LETM1: variants seen among roughly 807,000 people sequenced by gnomAD.
LETM1 encodes mitochondrial proton/calcium exchanger protein.
In LETM1, 50 loss-of-function variants were observed where a neutral mutation model predicts 74.5. The ratio of observed to expected loss-of-function variants is 0.67; its 90% CI spans 0.53 to 0.85. The LOEUF (loss-of-function observed/expected upper bound fraction) is 0.85, where lower values mean the gene tolerates loss of function less well. Ranked by LOEUF, LETM1 falls within the 40% of genes least tolerant of loss-of-function variation. The pLI, the probability that LETM1 is intolerant of heterozygous loss-of-function variation, is 0.00. For missense variants in LETM1, 824 were observed against 967.8 expected, an observed-to-expected ratio of 0.85 and a Z score of 1.97; for synonymous variants, 446 against 407.1, an observed-to-expected ratio of 1.10 and a Z score of -1.15.
At chr4:1,855,796 G>T in intron 1 of LETM1, 73 bp downstream of exon 1, 1 of 946,198 alleles carries the variant, frequency 1.1e-6, no homozygotes, top group Non-Finnish European at 1.4e-6. Context: ...CAACCAGCCC[G>T]AACCCGCGGG....
rs373302666 is a variant in LETM1 at position 1,816,706 on chromosome 4, C to T, written c.1931+21G>A. On this transcript the variant is annotated intron_variant, in intron 12 of 13. Coordinates refer to ENST00000302787, the MANE Select transcript of LETM1 (RefSeq NM_012318.3). ...CTATGTGAGTCTCCGATCCCTCTCC[C>T]GCGCCCACCACCCCACTCACCCCGT... 1.1e-4 allele frequency: 183 copies of T among 1,608,190 alleles called. 1 individual carries two copies. Among genetic ancestry groups the T allele is most frequent in the Non-Finnish European group, 1.2e-4 (138 of 1,175,500 alleles).
intron 1 of LETM1, among the ~76,000 whole-genome samples, chr4:1,853,456 C>A (rs886709255): frequency 1.3e-5 from 2 of 152,228 alleles, no homozygotes; most frequent in African/African-American, 2.4e-5. Flanking sequence ...GGATGCTTCA[C>A]CTCTGTGGTC....
intron 2 of LETM1, among the ~76,000 whole-genome samples, chr4:1,843,878 G>A (rs1038898653): frequency 6.6e-6 from 1 of 152,184 alleles, no homozygotes; most frequent in Non-Finnish European, 1.5e-5. Flanking sequence ...ATGCAGCAGA[G>A]CCCACGCAGG....
At chr4:1,838,400 G>A (rs1712563429) in intron 3 of LETM1, among the ~76,000 whole-genome samples, 1 of 151,958 alleles carries the variant, frequency 6.6e-6, no homozygotes, top group Non-Finnish European at 1.5e-5. Flanking sequence ...GCCCGGCCAG[G>A]ATTATCTTTA....
At chr4:1,828,510 C>A (rs1278088874) in intron 6 of LETM1, among the ~76,000 whole-genome samples, 205 of 91,432 alleles carry the variant, frequency 2.2e-3, no homozygotes, top group African/African-American at 2.4e-3. Flanking sequence ...GGGGGCTGAC[C>A]CCCCCCCCCA....
intron 9 of LETM1, chr4:1,822,786 G>A (rs1711831533): frequency 4.7e-6 from 2 of 429,382 alleles, no homozygotes; most frequent in African/African-American, 2.0e-5. Flanking sequence ...GCACCACTGT[G>A]GCCATCGGGG....
intron 1 of LETM1, among the ~76,000 whole-genome samples, chr4:1,853,024 A>G (rs923223262): frequency 2.6e-5 from 4 of 151,926 alleles, no homozygotes; most frequent in African/African-American, 9.7e-5. Flanking sequence ...TCCCCAGGCA[A>G]TCTCTTCCCT....
In LETM1 at chr4:1,822,291, C is replaced by A; in HGVS notation, c.1498G>T (p.Val500Leu). 1 of 1,522,222 alleles carries A rather than the reference C, an allele frequency of 6.6e-7. No homozygotes were observed. The highest frequency in any genetic ancestry group is 8.9e-7 in the Non-Finnish European group (1 of 1,127,790). 94.3% of individuals were successfully genotyped at this position (1,522,222 alleles called of 1,614,324 possible). ...EVAKDFEPER[V>L]VAAPQRPGTE... ...CCCGGCCTTTGGGGAGCAGCTACCA[C>A]ACGTTCGGGCTCAAAATCCTTCTGA... is the stretch of plus-strand genomic sequence containing the variant. The change falls in exon 10 of 14, where the codon GTG becomes TTG. Residue 500 changes from valine (V) to leucine (L), a missense_variant. Transcript: ENST00000302787.
chr4:1,832,955 A>G lies in LETM1; in HGVS notation c.877-8T>C. 6.2e-7 allele frequency: 1 copy of G among 1,611,988 alleles called. No homozygotes were observed. The highest frequency in any genetic ancestry group is 1.1e-5 in the South Asian group (1 of 90,990). On this transcript the variant is annotated splice_region_variant and splice_polypyrimidine_tract_variant and intron_variant, in intron 5 of 13. Coordinates refer to ENST00000302787, the MANE Select transcript of LETM1 (RefSeq NM_012318.3). ...CTCCCCTGTTTCCCGGATCTGCGGA[A>G]GTGGTCACAAGGGTCATCCCCGGGA...
intron 8 of LETM1, 144 bp from the exon 9 acceptor site, chr4:1,823,275 C>T: frequency 8.5e-7 from 1 of 1,172,688 alleles, no homozygotes; most frequent in Non-Finnish European, 1.2e-6. Context: ...TGCCGAGGTG[C>T]TGCCCGCAAT....
At position 1,841,508 on chromosome 4, in the gene LETM1, C is replaced by CG. The variant is rs745839823; in HGVS notation, c.432dup (p.Ala145ArgfsTer61). The CG allele has an allele frequency of 5.0e-6, 8 of 1,613,782 alleles. No individual in the cohort carries two copies. The highest frequency in any genetic ancestry group is 1.6e-4 in the Middle Eastern group (1 of 6,082). On this transcript the variant is annotated frameshift_variant, in exon 3 of 14. Transcript: ENST00000302787. LOFTEE classifies it high-confidence loss of function. ...AGGGACTTCTTCACCACCACCTCTG[C>CG]GGGGGGGCTGTACACCGGGCCGCCT...
chr4:1,841,461 C>T lies in LETM1; in HGVS notation c.480G>A (p.Glu160=). The T allele has an allele frequency of 1.2e-6, 2 of 1,614,274 alleles. No homozygotes were observed. The highest frequency in any genetic ancestry group is 1.1e-5 in the South Asian group (1 of 91,092). The part of the protein sequence containing the change: ...KKSLGQRVLD[E]LKHYYHGFRL... ...GGAAGCCATGGTAGTAGTGCTTCAG[C>T]TCGTCCAGCACCCGCTGCCCCAGGG... is the stretch of plus-strand genomic sequence containing the variant. Residue 160 remains glutamate (E), a synonymous_variant, in exon 3 of 14, where the codon GAG becomes GAA. Coordinates refer to ENST00000302787, the MANE Select transcript of LETM1 (RefSeq NM_012318.3).
chr4:1,818,323 C>T (rs566883761), intron 11 of LETM1, among the ~76,000 whole-genome samples: 3 of 152,140 alleles, frequency 2.0e-5, no homozygotes, highest in East Asian at 3.9e-4. Flanking sequence ...TTTAAAAAAT[C>T]GTATTAGGGG....
In LETM1 at chr4:1,834,481, C is replaced by T. The variant is rs1036863923; in HGVS notation, c.876+364G>A. On this transcript the variant is annotated intron_variant, in intron 5 of 13. Transcript: ENST00000302787. The surrounding 1 kb of genome is among the most constrained non-coding windows in gnomAD (Gnocchi z 5.0). ...TGGGACCTGGGATCTTCTTGACTGA[C>T]TCCAGCCAGAGGGCAATGCCCAGCA... The T allele has an allele frequency of 2.8e-6, 3 of 1,053,036 alleles. No individual in the cohort carries two copies. The highest frequency in any genetic ancestry group is 3.4e-6 in the Non-Finnish European group (3 of 872,034). 65.2% of individuals were successfully genotyped at this position (1,053,036 alleles called of 1,614,324 possible). A position where few individuals can be genotyped will look rare whatever the true frequency, so the allele number is the denominator to read the frequency against.
intron 13 of LETM1, among the ~76,000 whole-genome samples, chr4:1,815,041 G>C (rs1711514470): frequency 6.6e-6 from 1 of 152,210 alleles, no homozygotes; most frequent in South Asian, 2.1e-4. Flanking sequence ...TCACTAACCT[G>C]ATGCATGCAC....
At chr4:1,837,921 G>C (rs964064165) in intron 3 of LETM1, among the ~76,000 whole-genome samples, 1 of 151,674 alleles carries the variant, frequency 6.6e-6, no homozygotes, top group African/African-American at 2.4e-5. Flanking sequence ...TGGCCAGGCT[G>C]GTCTCAAACT....
chr4:1,836,414 G>C lies in LETM1; in HGVS notation c.738+15C>G. ...AGACTCATTCTAAAACAAGCAGTTG[G>C]GATGCTGCCCTTACCTTGAGTGACT... On this transcript the variant is annotated intron_variant, in intron 4 of 13. Transcript: ENST00000302787. The surrounding 1 kb of genome is among the most constrained non-coding windows in gnomAD (Gnocchi z 5.8). The C allele has an allele frequency of 6.2e-7, 1 of 1,613,342 alleles. No homozygotes were observed. The highest frequency in any genetic ancestry group is 1.1e-5 in the South Asian group (1 of 91,054).
chr4:1,835,445 A>C (rs550998072), intron 4 of LETM1, among the ~76,000 whole-genome samples: 61 of 151,942 alleles, frequency 4.0e-4, no homozygotes, highest in South Asian at 3.7e-3. Context: ...CGTCTCAAAA[A>C]AAAAACAAAA....
rs1220009325 is a variant in LETM1, at chr4:1,855,916, C to T, written c.35G>A (p.Arg12Gln). The change falls in exon 1 of 14, where the codon CGG (arginine) becomes CAG (glutamine). Residue 12 changes from arginine to glutamine, a missense_variant. Arg to Gln is a conservative substitution (Grantham distance 43). This residue lies in a region of LETM1 where 222 missense variants were observed against 195.6 expected (regional missense o/e 1.14). Coordinates refer to ENST00000302787, the MANE Select transcript of LETM1 (RefSeq NM_012318.3). ...CGGCGGCGGGAGGCGGGCGGGCGCC[C>T]GGCCGCGGCAGCTCCTCAGTAAGAT... ...ASILLRSCRG[R>Q]APARLPPPPR... 1 of 1,237,324 alleles carries T rather than the reference C, an allele frequency of 8.1e-7. No individual in the cohort carries two copies. Among genetic ancestry groups the T allele is most frequent in the South Asian group, 3.4e-5 (1 of 29,198 alleles). 76.6% of individuals were successfully genotyped at this position (1,237,324 alleles called of 1,614,324 possible). A position where few individuals can be genotyped will look rare whatever the true frequency, so the allele number is the denominator to read the frequency against.
Sources: gnomAD v4.1 joint callset for allele counts (sites outside exome capture counted in the v4.1 genomes callset) on GRCh38, gnomAD v4.1.1 for gene constraint, gnomAD v4.1.1 regional missense constraint, Gnocchi (gnomAD v3.1) non-coding constraint, MANE v1.5 for transcripts, NCBI Gene and HGNC (gene_info 2026-07-23, HGNC 2026-07-21) for gene names.